ELMO1: variants seen among roughly 807,000 people sequenced by gnomAD.
ELMO1 encodes the protein engulfment and cell motility 1.
A neutral mutation model predicts 98.9 loss-of-function variants in ELMO1; 26 were observed. The ratio of observed to expected loss-of-function variants is 0.26; its 90% confidence interval spans 0.19 to 0.36. The LOEUF (loss-of-function observed/expected upper bound fraction) is 0.36, where lower values mean the gene tolerates loss of function less well. ELMO1 is among the 10% of genes least tolerant of loss of function. The probability of loss-of-function intolerance (pLI) is 1.00; values close to 1 mark genes in which losing one functional copy is unlikely to be tolerated. For synonymous variants in ELMO1, 346 were observed against 346.0 expected (o/e 1.00, Z 0.00); for missense variants, 627 against 935.2 (o/e 0.67, Z 4.30).
intron 15 of ELMO1, among the ~76,000 whole-genome samples, chr7:37,015,889 G>A (rs913130279): frequency 6.6e-6 from 1 of 152,206 alleles, no homozygotes; most frequent in African/African-American, 2.4e-5. Flanking sequence ...CCCAGCCTGT[G>A]TTACTAGCAG....
At chr7:37,423,121 G>T (rs1284204426) in intron 1 of ELMO1, among the ~76,000 whole-genome samples, 1 of 152,174 alleles carries the variant, frequency 6.6e-6, no homozygotes, top group African/African-American at 2.4e-5. Flanking sequence ...CTGTGTTACA[G>T]GTTATCACCC....
chr7:37,002,388 C>A (rs187282270), intron 16 of ELMO1, among the ~76,000 whole-genome samples: 6 of 152,326 alleles, frequency 3.9e-5, no homozygotes, highest in Non-Finnish European at 2.9e-5. Flanking sequence ...GCTACTACCA[C>A]GAAGCAGTGC....
At chr7:37,387,108 AAAAG>A (rs1168235199) in intron 1 of ELMO1, among the ~76,000 whole-genome samples, 3 of 152,242 alleles carry the variant, frequency 2.0e-5, no homozygotes, top group Non-Finnish European at 4.4e-5. Context: ...AAACCCACAG[AAAAG>A]AAAGAACCAG....
chr7:37,399,825 C>T (rs776560030), intron 1 of ELMO1, among the ~76,000 whole-genome samples: 11 of 152,162 alleles, frequency 7.2e-5, no homozygotes, highest in Admixed American at 2.0e-4. Context: ...GGGAGTAATA[C>T]TATAGCTCCC....
chr7:37,169,391 G>A (rs988115664), intron 13 of ELMO1, among the ~76,000 whole-genome samples: 3 of 152,130 alleles, frequency 2.0e-5, no homozygotes, highest in East Asian at 1.9e-4. Context: ...AGATGAACCC[G>A]GTACCTCAGA....
chr7:37,244,453 G>A (rs1794898916), intron 6 of ELMO1, 62 bp from the exon 7 acceptor site: 1 of 1,549,840 alleles, frequency 6.5e-7, no homozygotes, highest in Non-Finnish European at 8.8e-7. Flanking sequence ...TTTACACAAA[G>A]AACATATCTT....
intron 14 of ELMO1, among the ~76,000 whole-genome samples, chr7:37,104,822 T>C (rs911208536): frequency 2.0e-5 from 3 of 150,966 alleles, no homozygotes; most frequent in Non-Finnish European, 4.4e-5. Flanking sequence ...AGAAAAAGAA[T>C]GTATTAATAT....
intron 13 of ELMO1, among the ~76,000 whole-genome samples, chr7:37,146,256 T>C (rs1787980511): frequency 2.0e-5 from 3 of 152,070 alleles, no homozygotes; most frequent in African/African-American, 7.2e-5. Context: ...GGGCCCCACC[T>C]CAAGAGCTTC....
At position 37,055,678 on chromosome 7, in the gene ELMO1, C is replaced by T. The variant is rs140905469; in HGVS notation, c.1300+40941G>A. On this transcript the variant is annotated intron_variant, in intron 15 of 21. Transcript: ENST00000310758. ...CTCCCTGAATTCTGAGGGTAAAAGG[C>T]TTCTAGGCAACACACATGCTCACCA... Among the ~76,000 whole-genome samples, 123 of 152,262 alleles carry T rather than the reference C, an allele frequency of 8.1e-4. No individual in the cohort carries two copies. The Middle Eastern group carries it at 0.031, about 38-fold the overall frequency.
chr7:37,248,694 G>T (rs577563405), intron 6 of ELMO1, among the ~76,000 whole-genome samples: 1 of 152,364 alleles, frequency 6.6e-6, no homozygotes, highest in East Asian at 1.9e-4. Context: ...TTCTGTCTGG[G>T]TCTGTGGCCT....
At chr7:37,300,806 T>C (rs1054855389) in intron 4 of ELMO1, among the ~76,000 whole-genome samples, 11 of 151,674 alleles carry the variant, frequency 7.3e-5, no homozygotes, top group Non-Finnish European at 1.6e-4. Flanking sequence ...GAGGATTCCC[T>C]CTTTTTCTAT....
chr7:36,985,471 A>C (rs547022842), intron 16 of ELMO1, among the ~76,000 whole-genome samples: 1 of 152,220 alleles, frequency 6.6e-6, no homozygotes, highest in Non-Finnish European at 1.5e-5. Context: ...GGTCTGAAGA[A>C]GTGTTTGACA....
At chr7:37,322,171 T>G (rs540538598) in intron 2 of ELMO1, among the ~76,000 whole-genome samples, 158 of 151,818 alleles carry the variant, frequency 1.0e-3, no homozygotes, top group African/African-American at 3.5e-3. Context: ...AGAATTAACT[T>G]CTGTACTCTA....
At chr7:37,355,600 A>C (rs747647981) in intron 1 of ELMO1, among the ~76,000 whole-genome samples, 1 of 152,170 alleles carries the variant, frequency 6.6e-6, no homozygotes, top group Non-Finnish European at 1.5e-5. Context: ...CGGAGGGGGG[A>C]AAGTTAGGGT....
At chr7:37,060,497 A>G (rs1023265493) in intron 15 of ELMO1, among the ~76,000 whole-genome samples, 6 of 152,168 alleles carry the variant, frequency 3.9e-5, no homozygotes, top group African/African-American at 1.4e-4. Flanking sequence ...ACAGACACTG[A>G]GAACTACTAG....
At chr7:37,259,416 GT>G in intron 5 of ELMO1, 66 bp from the exon 6 acceptor site, 2 of 1,547,648 alleles carry the variant, frequency 1.3e-6, no homozygotes, top group Admixed American at 3.6e-5. Flanking sequence ...ACAGATTTAT[GT>G]TTCAATGAGG....
intron 4 of ELMO1, among the ~76,000 whole-genome samples, chr7:37,298,545 T>C (rs1033270835): frequency 8.1e-5 from 12 of 148,264 alleles, no homozygotes; most frequent in African/African-American, 2.5e-4. Context: ...TGAGTGAGAA[T>C]ATGCGGTGTT....
At chr7:37,386,922 C>T (rs1802830602) in intron 1 of ELMO1, among the ~76,000 whole-genome samples, 2 of 152,306 alleles carry the variant, frequency 1.3e-5, no homozygotes, top group South Asian at 4.1e-4. Flanking sequence ...TTGATCTTCA[C>T]TCCCAGAGAG....
chr7:36,881,897 A>G (rs1344820040), intron 18 of ELMO1, among the ~76,000 whole-genome samples: 1 of 152,200 alleles, frequency 6.6e-6, no homozygotes, highest in East Asian at 1.9e-4. Flanking sequence ...TTCATTTTAA[A>G]TAACTTAAAC....
Sources: allele counts gnomAD v4.1 joint callset (sites outside exome capture counted in the v4.1 genomes callset), GRCh38; gene constraint gnomAD v4.1.1; transcripts MANE v1.5; gene names NCBI Gene and HGNC (gene_info 2026-07-23, HGNC 2026-07-21).